BNC2: variants seen among roughly 807,000 people sequenced by gnomAD.
BNC2 encodes the protein zinc finger protein basonuclin-2.
In BNC2, 20 loss-of-function variants were observed where a neutral mutation model predicts 76.3. The ratio of observed to expected loss-of-function variants is 0.26; its 90% CI spans 0.18 to 0.38. The LOEUF is 0.38. BNC2 is among the 10% of genes least tolerant of loss of function. The pLI is 1.00. For synonymous variants in BNC2, 582 were observed against 514.8 expected, an observed-to-expected ratio of 1.13 and a Z score of -1.77; for missense variants, 1,382 against 1,399.8, an observed-to-expected ratio of 0.99 and a Z score of 0.20.
intron 3 of BNC2, among the ~76,000 whole-genome samples, chr9:16,640,331 T>C (rs184475910): frequency 3.3e-5 from 5 of 152,324 alleles, no homozygotes; most frequent in Admixed American, 3.3e-4. Context: ...TCACATTTCA[T>C]ATCCAGATCA....
At chr9:16,701,699 T>C (rs901880956) in intron 3 of BNC2, among the ~76,000 whole-genome samples, 9 of 151,794 alleles carry the variant, frequency 5.9e-5, no homozygotes, top group African/African-American at 1.9e-4. Context: ...CCCAGCACTT[T>C]GGAAGGCTGA....
At chr9:16,648,302 G>T (rs1039818544) in intron 3 of BNC2, among the ~76,000 whole-genome samples, 1 of 152,172 alleles carries the variant, frequency 6.6e-6, no homozygotes, top group African/African-American at 2.4e-5. Flanking sequence ...AAACTATATG[G>T]TTCAGAGATT....
intron 3 of BNC2, among the ~76,000 whole-genome samples, chr9:16,721,433 A>G (rs562424760): frequency 3.9e-5 from 6 of 152,264 alleles, no homozygotes; most frequent in African/African-American, 1.4e-4. Flanking sequence ...AGCAAAATGT[A>G]GAAGCCAGCT....
chr9:16,704,352 A>G (rs1235047437), intron 3 of BNC2, among the ~76,000 whole-genome samples: 1 of 152,140 alleles, frequency 6.6e-6, no homozygotes, highest in Non-Finnish European at 1.5e-5. Flanking sequence ...TGCAAAATGG[A>G]TATAACTGAG....
intron 5 of BNC2, among the ~76,000 whole-genome samples, chr9:16,515,464 C>T (rs972506178): frequency 4.6e-5 from 7 of 152,122 alleles, no homozygotes; most frequent in Admixed American, 2.6e-4. Flanking sequence ...CCTCCCTCAC[C>T]CTCACCCGCC....
intron 3 of BNC2, among the ~76,000 whole-genome samples, chr9:16,638,365 CA>C (rs1821389402): frequency 6.6e-6 from 1 of 152,090 alleles, no homozygotes; most frequent in Admixed American, 6.5e-5. Context: ...TTTGAAGAAT[CA>C]AGGCAGATCA....
chr9:16,739,371 G>A (rs1038075558), intron 1 of BNC2, among the ~76,000 whole-genome samples: 1 of 152,122 alleles, frequency 6.6e-6, no homozygotes, highest in African/African-American at 2.4e-5. Flanking sequence ...GGTCCAATTA[G>A]GAAGACATTA....
intron 5 of BNC2, among the ~76,000 whole-genome samples, chr9:16,486,687 G>A (rs1324127140): frequency 6.6e-6 from 1 of 152,124 alleles, no homozygotes; most frequent in Non-Finnish European, 1.5e-5. Flanking sequence ...CTATAGGGAT[G>A]CAAATTATTA....
intron 1 of BNC2, among the ~76,000 whole-genome samples, chr9:16,850,537 T>G (rs1398525040): frequency 6.6e-6 from 1 of 152,216 alleles, no homozygotes; most frequent in African/African-American, 2.4e-5. Flanking sequence ...AGGGCCAACT[T>G]GTAAACTATA....
At chr9:16,488,129 G>A (rs143354104) in intron 5 of BNC2, among the ~76,000 whole-genome samples, 4 of 152,276 alleles carry the variant, frequency 2.6e-5, no homozygotes, top group East Asian at 1.9e-4. Flanking sequence ...ATATGGCAGT[G>A]TGGGTTACTA....
At chr9:16,741,686 G>A (rs78371286) in intron 1 of BNC2, among the ~76,000 whole-genome samples, 7,538 of 151,964 alleles carry the variant, frequency 0.05, 625 homozygotes, top group African/African-American at 0.17. Context: ...TGACAGGTGC[G>A]GTGGCTCACG....
chr9:16,500,989 C>T (rs1380228925), intron 5 of BNC2, among the ~76,000 whole-genome samples: 1 of 152,122 alleles, frequency 6.6e-6, no homozygotes, highest in Non-Finnish European at 1.5e-5. Flanking sequence ...AGCATGGACT[C>T]CAGAGCTAGA....
intron 3 of BNC2, among the ~76,000 whole-genome samples, chr9:16,611,510 T>C (rs1015360932): frequency 2.6e-5 from 4 of 152,218 alleles, no homozygotes; most frequent in African/African-American, 9.6e-5. Context: ...GCTCCCAAGA[T>C]AGGAATTTAG....
At chr9:16,758,003 T>C (rs10756808) in intron 1 of BNC2, among the ~76,000 whole-genome samples, 9 of 152,092 alleles carry the variant, frequency 5.9e-5, no homozygotes, top group African/African-American at 2.2e-4. Flanking sequence ...TACAGTTATA[T>C]TGGTCAGAAG....
At chr9:16,476,547 G>A (rs956497272) in intron 5 of BNC2, among the ~76,000 whole-genome samples, 2 of 148,772 alleles carry the variant, frequency 1.3e-5, no homozygotes, top group South Asian at 2.1e-4. Flanking sequence ...TTTTTAACCC[G>A]TGTGTGTGTG....
chr9:16,673,639 G>A (rs552171711), intron 3 of BNC2, among the ~76,000 whole-genome samples: 1 of 151,980 alleles, frequency 6.6e-6, no homozygotes, highest in Non-Finnish European at 1.5e-5. Context: ...AACCAGCCAG[G>A]TTTATACAGA....
chr9:16,776,179 G>A (rs766860840), intron 1 of BNC2, among the ~76,000 whole-genome samples: 1 of 148,656 alleles, frequency 6.7e-6, no homozygotes, highest in African/African-American at 2.6e-5. Flanking sequence ...CGCTCTTGTC[G>A]CCCAGGCTGG....
At chr9:16,735,974 C>T (rs1330084992) in intron 2 of BNC2, among the ~76,000 whole-genome samples, 1 of 151,812 alleles carries the variant, frequency 6.6e-6, no homozygotes, top group Non-Finnish European at 1.5e-5. Context: ...TGGCTCACAC[C>T]TGTAATCCCA....
intron 3 of BNC2, among the ~76,000 whole-genome samples, chr9:16,611,812 G>A (rs760909213): frequency 8.5e-6 from 1 of 118,298 alleles, no homozygotes; most frequent in African/African-American, 2.9e-5. Flanking sequence ...CAGAGTAAAG[G>A]AACAATTCTT....
Sources: allele counts gnomAD v4.1 joint callset (sites outside exome capture counted in the v4.1 genomes callset), GRCh38; gene constraint gnomAD v4.1.1; transcripts MANE v1.5; gene names NCBI Gene and HGNC (gene_info 2026-07-23, HGNC 2026-07-21).